TNRC18: variants seen among roughly 807,000 people sequenced by gnomAD.
TNRC18 encodes trinucleotide repeat containing 18.
In TNRC18, 69 loss-of-function variants were observed where a neutral mutation model predicts 226.7. The observed-to-expected ratio is 0.30, with a 90% CI of 0.25 to 0.37. The LOEUF (loss-of-function observed/expected upper bound fraction) is 0.37. TNRC18 is among the 10% of genes least tolerant of loss of function. TNRC18 has a pLI of 1.00. For missense variants in TNRC18, 4,754 were observed against 4,256.6 expected (o/e 1.12, Z -3.25); for synonymous variants, 2,449 against 1,927.6 (o/e 1.27, Z -7.09).
rs545892665 is a variant in TNRC18, at chr7:5,379,118, A to G, written c.2153-1094T>C. On this transcript the variant is annotated intron_variant, in intron 5 of 29. Coordinates refer to ENST00000430969, the MANE Select transcript of TNRC18 (RefSeq NM_001080495.3). ...AGGCTGAGGCAGGAGAATCATTTGAACTCAGGAGGCAGAGGTTGCAGTGAG... is the reference window on the plus strand; with the variant it reads ...AGGCTGAGGCAGGAGAATCATTTGAGCTCAGGAGGCAGAGGTTGCAGTGAG... Among the ~76,000 whole-genome samples, 297 of 151,978 alleles carry G rather than the reference A, an allele frequency of 2.0e-3. 3 individuals are homozygous for G. The highest frequency in any genetic ancestry group is 7.0e-3 in the African/African-American group (289 of 41,446).
rs1367629495 is a variant in TNRC18, at chr7:5,356,982, T to C, written c.5128A>G (p.Lys1710Glu). The C allele has an allele frequency of 5.8e-6, 9 of 1,552,106 alleles. No individual in the cohort carries two copies. Among genetic ancestry groups the C allele is most frequent in the Middle Eastern group, 3.3e-4 (2 of 6,018 alleles). The change falls in exon 16 of 30, where the codon AAG (lysine) becomes GAG (glutamate). Residue 1710 changes from lysine (K) to glutamate (E), a missense_variant. Physicochemically the swap from Lys to Glu is moderately conservative, Grantham distance 56 (BLOSUM62 1). Coordinates refer to ENST00000430969, the MANE Select transcript of TNRC18 (RefSeq NM_001080495.3). ...AKTRKMEVGF[K>E]ARGQPKSAHS... Reference sequence around the variant, plus strand: ...GCCGACTTGGGCTGGCCTCTGGCCTTGAACCCCACCTCCATCTTCCTGGTT... The same window carrying C: ...GCCGACTTGGGCTGGCCTCTGGCCTCGAACCCCACCTCCATCTTCCTGGTT...
chr7:5,406,356 G>C (rs1269553215), intron 2 of TNRC18, among the ~76,000 whole-genome samples: 1 of 152,114 alleles, frequency 6.6e-6, no homozygotes, highest in Non-Finnish European at 1.5e-5. Flanking sequence ...CAGCTACTCG[G>C]GAGGCTGAGG....
chr7:5,367,451 G>C (rs1415335295), intron 11 of TNRC18, among the ~76,000 whole-genome samples: 1 of 151,076 alleles, frequency 6.6e-6, no homozygotes, highest in African/African-American at 2.4e-5. Context: ...TTTTGAGATG[G>C]AGTTCCACTC....
At chr7:5,370,325 CAAAACT>C in intron 11 of TNRC18, 44 bp downstream of exon 11, 1 of 1,500,206 alleles carries the variant, frequency 6.7e-7, no homozygotes, top group Non-Finnish European at 8.9e-7. Flanking sequence ...CCCATCACCA[CAAAACT>C]AAAACTCACG....
chr7:5,355,954 C>G (rs889823170), intron 16 of TNRC18, among the ~76,000 whole-genome samples: 1 of 152,058 alleles, frequency 6.6e-6, no homozygotes, highest in African/African-American at 2.4e-5. Flanking sequence ...CACCTGAGGT[C>G]AGGAGTTTAG....
At chr7:5,364,279 C>A (rs1039853780) in intron 11 of TNRC18, among the ~76,000 whole-genome samples, 1 of 151,934 alleles carries the variant, frequency 6.6e-6, no homozygotes, top group Non-Finnish European at 1.5e-5. Flanking sequence ...GGCAACACAG[C>A]GAGACTCCAG....
intron 19 of TNRC18, among the ~76,000 whole-genome samples, chr7:5,329,267 T>C (rs1789259616): frequency 6.6e-6 from 1 of 150,594 alleles, no homozygotes; most frequent in African/African-American, 2.5e-5. Flanking sequence ...CTCACCACTG[T>C]ACTCCAGTCT....
intron 24 of TNRC18, among the ~76,000 whole-genome samples, chr7:5,317,829 C>T (rs1257991777): frequency 6.6e-6 from 1 of 151,718 alleles, no homozygotes; most frequent in Non-Finnish European, 1.5e-5. Flanking sequence ...CTTCGGTCTC[C>T]CAAGTAGCTA....
chr7:5,345,826 C>T lies in TNRC18; in HGVS notation c.5471-16G>A, dbSNP rs1381799703. 3.3e-6 allele frequency: 5 copies of T among 1,537,124 alleles called. No homozygotes were observed. Among genetic ancestry groups the T allele is most frequent in the Middle Eastern group, 1.7e-4 (1 of 5,950 alleles). ...GAGCTCTCATCTGGCGTGCAGAAAA[C>T]AGGGACCGAGTCAGAGCCTTGGCCT... is the stretch of plus-strand genomic sequence containing the variant. On this transcript the variant is annotated splice_polypyrimidine_tract_variant and intron_variant, in intron 17 of 29. Transcript: ENST00000430969.
Position 5,388,879 on chromosome 7 carries a change from C to T in TNRC18, c.945G>A (p.Ala315=), listed in dbSNP as rs752664201. Residue 315 remains alanine (A), a synonymous_variant, in exon 5 of 30, where the codon GCG becomes GCA. Coordinates refer to ENST00000430969, the MANE Select transcript of TNRC18 (RefSeq NM_001080495.3). ...AKEAARQDEG[A]RLLRRTETLL... ...GGGTCTCCGTGCGCCGCAGCAGCCGCGCGCCCTCGTCCTGCCGGGCAGCCT... is the reference window on the plus strand; with the variant it reads ...GGGTCTCCGTGCGCCGCAGCAGCCGTGCGCCCTCGTCCTGCCGGGCAGCCT... The T allele has an allele frequency of 2.3e-6, 3 of 1,327,130 alleles. No homozygotes were observed. Among genetic ancestry groups the T allele is most frequent in the African/African-American group, 3.2e-5 (2 of 62,344 alleles). 82.2% of individuals were successfully genotyped at this position (1,327,130 alleles called of 1,614,324 possible).
intron 18 of TNRC18, among the ~76,000 whole-genome samples, chr7:5,342,773 T>C (rs1790810801): frequency 1.3e-5 from 2 of 152,224 alleles, no homozygotes; most frequent in African/African-American, 2.4e-5. Flanking sequence ...GCTTCCAATG[T>C]TGAAAGAAGT....
At chr7:5,419,231 GTGCA>G (rs1221090161) in intron 2 of TNRC18, among the ~76,000 whole-genome samples, 1 of 152,266 alleles carries the variant, frequency 6.6e-6, no homozygotes, top group East Asian at 1.9e-4. Flanking sequence ...CCCTGGCACT[GTGCA>G]TGCATGCATG....
chr7:5,378,884 A>ACATGGCTTGCCATGT (rs1257940776), intron 5 of TNRC18, among the ~76,000 whole-genome samples: 1 of 144,892 alleles, frequency 6.9e-6, no homozygotes, highest in Non-Finnish European at 1.5e-5. Context: ...GTCCCAAGAC[A>ACATGGCTTGCCATGT]GTTTAAATAC....
At chr7:5,321,684 T>C (rs1452530654) in intron 21 of TNRC18, among the ~76,000 whole-genome samples, 1 of 149,636 alleles carries the variant, frequency 6.7e-6, no homozygotes, top group African/African-American at 2.5e-5. Flanking sequence ...TATTTATTTA[T>C]TTTTGAGATG....
chr7:5,407,063 T>G (rs1781521836), intron 2 of TNRC18: 1 of 152,376 alleles, frequency 6.6e-6, no homozygotes, highest in Middle Eastern at 3.4e-3. Context: ...GGCAAGATTC[T>G]GTGCCCCGGC....
chr7:5,371,464 G>C, intron 10 of TNRC18, 100 bp from the exon 11 acceptor site: 2 of 1,370,472 alleles, frequency 1.5e-6, no homozygotes, highest in South Asian at 3.2e-5. Flanking sequence ...CCAGGACGCA[G>C]CCGCCCCCTG....
At position 5,324,384 on chromosome 7, in the gene TNRC18, CTT is replaced by C; in HGVS notation, c.6301-31_6301-30del. The C allele has an allele frequency of 6.2e-7, 1 of 1,611,104 alleles. No individual in the cohort carries two copies. The highest frequency in any genetic ancestry group is 1.3e-5 in the African/African-American group (1 of 75,028). ...GGGACAGAACATGGCCGACAAATGA[CTT>C]AGGACCTGAACAGGGGTCCTGCCGG... On this transcript the variant is annotated intron_variant, in intron 20 of 29. Coordinates refer to ENST00000430969, the MANE Select transcript of TNRC18 (RefSeq NM_001080495.3). The surrounding 1 kb of genome is among the most constrained non-coding windows in gnomAD (Gnocchi z 4.8).
rs1159666728 is a variant in TNRC18 at position 5,332,792 on chromosome 7, G to A, written c.5977C>T (p.Leu1993=). Residue 1993 remains leucine, a synonymous_variant, in exon 19 of 30, where the codon CTG becomes TTG. Transcript: ENST00000430969. ...CGCTCGCTGCGGCGCCGCGTCCACA[G>A]GTCGTCGTCGCTGGCCTCGGGCCCC... ...EAGPEASDDD[L]WTRRRSERIF... 1.3e-6 allele frequency: 2 copies of A among 1,513,458 alleles called. No homozygotes were observed. Among genetic ancestry groups the A allele is most frequent in the East Asian group, 2.6e-5 (1 of 38,804 alleles). The allele number at this position is 1,513,458 out of a possible 1,614,324, so 93.8% of individuals were successfully genotyped here.
rs377716786 is a variant in TNRC18, at chr7:5,320,312, T to C, written c.6745+6A>G. ...GCAGGGGAGAGCTGGGGAGGAGGCA[T>C]CTCACCTCGGACCACAGTGCCTGGG... On this transcript the variant is annotated splice_donor_region_variant and intron_variant, in intron 24 of 29. Transcript: ENST00000430969. 1.9e-6 allele frequency: 3 copies of C among 1,550,316 alleles called. No individual in the cohort carries two copies. Among genetic ancestry groups the C allele is most frequent in the Non-Finnish European group, 2.6e-6 (3 of 1,146,320 alleles).
Sources: allele counts gnomAD v4.1 joint callset (sites outside exome capture counted in the v4.1 genomes callset), GRCh38; gene constraint gnomAD v4.1.1; non-coding constraint Gnocchi (gnomAD v3.1); transcripts MANE v1.5; gene names NCBI Gene and HGNC (gene_info 2026-07-23, HGNC 2026-07-21).